Variants in TRIM37 observed in about 807,000 individuals in gnomAD.
The protein encoded by TRIM37 is tripartite motif containing 37, also known as E3 ubiquitin-protein ligase TRIM37.
TRIM37 carries 80 observed loss-of-function variants against 129.8 expected under a neutral mutation model. That is an observed-to-expected ratio of 0.62 (90% CI 0.51 to 0.74). TRIM37 has a LOEUF of 0.74. Ranked by LOEUF, TRIM37 falls within the 30% of genes least tolerant of loss-of-function variation. The probability of loss-of-function intolerance (pLI) is 0.00; values close to 1 mark genes in which losing one functional copy is unlikely to be tolerated. For synonymous variants in TRIM37, 389 were observed against 387.1 expected (o/e 1.00, Z -0.06); for missense variants, 1,054 against 1,176.5 (o/e 0.90, Z 1.52).
chr17:59,087,558 T>C (rs770453929), intron 4 of TRIM37, among the ~76,000 whole-genome samples: 58 of 151,574 alleles, frequency 3.8e-4, no homozygotes, highest in Non-Finnish European at 4.4e-4. Flanking sequence ...GCCTCCCAAG[T>C]ATCTGGGACT....
intron 19 of TRIM37, among the ~76,000 whole-genome samples, chr17:59,019,535 T>A (rs1310720614): frequency 1.1e-4 from 16 of 151,798 alleles, no homozygotes; most frequent in Admixed American, 1.1e-3. Context: ...TGGTGAAACC[T>A]CGTCTCTACT....
downstream of TRIM37, among the ~76,000 whole-genome samples, chr17:58,993,453 T>C (rs1225656957): frequency 6.6e-6 from 1 of 152,234 alleles, no homozygotes; most frequent in African/African-American, 2.4e-5. Flanking sequence ...GGACTACTAC[T>C]GCTCAGCAAT....
rs1555656707 is a variant in TRIM37 at position 59,036,483 on chromosome 17, T to TGCGC, written c.1754-4394_1754-4393insGCGC. Among the ~76,000 whole-genome samples, 199 of 148,988 alleles carry TGCGC rather than the reference T, an allele frequency of 1.3e-3. 3 individuals carry two copies. Among genetic ancestry groups the TGCGC allele is most frequent in the African/African-American group, 4.8e-3 (193 of 40,358 alleles). On this transcript the variant is annotated intron_variant, in intron 17 of 23. Coordinates refer to ENST00000262294, the MANE Select transcript of TRIM37 (RefSeq NM_015294.6). ...GTGTGTGTGTGTGTGTGTGTGTGTG[T>TGCGC]GCACGCGTGTGTTTTAAGAGACAGG...
chr17:59,012,912 C>T (rs1056991706), intron 21 of TRIM37, among the ~76,000 whole-genome samples: 1 of 151,074 alleles, frequency 6.6e-6, no homozygotes, highest in African/African-American at 2.4e-5. Context: ...TAAATATTCA[C>T]AAAAAAATGT....
intron 22 of TRIM37, among the ~76,000 whole-genome samples, chr17:59,009,723 G>A (rs1344895731): frequency 3.9e-5 from 6 of 152,154 alleles, no homozygotes. Context: ...TGGGACTACA[G>A]GCATGAGCCA....
chr17:59,093,072 C>T (rs1021765896), intron 2 of TRIM37, among the ~76,000 whole-genome samples: 1 of 152,136 alleles, frequency 6.6e-6, no homozygotes, highest in Non-Finnish European at 1.5e-5. Flanking sequence ...ACTGCTTGAA[C>T]CCAGGAGGTG....
intron 19 of TRIM37, among the ~76,000 whole-genome samples, chr17:59,025,591 C>T (rs913289557): frequency 1.3e-5 from 2 of 152,130 alleles, no homozygotes; most frequent in African/African-American, 4.8e-5. Context: ...CTAAAATCCT[C>T]GACTGAAGTC....
chr17:59,035,062 T>C (rs2038308322), intron 17 of TRIM37, among the ~76,000 whole-genome samples: 1 of 152,100 alleles, frequency 6.6e-6, no homozygotes. Context: ...TTTTAAATAT[T>C]TTTCTTTTTT....
intron 8 of TRIM37, among the ~76,000 whole-genome samples, chr17:59,072,689 A>G (rs1311380870): frequency 6.6e-6 from 1 of 151,876 alleles, no homozygotes; most frequent in African/African-American, 2.4e-5. Context: ...CGGAGGTTAC[A>G]GTGAGCCAAG....
chr17:59,105,366 C>T (rs941652710), intron 1 of TRIM37, among the ~76,000 whole-genome samples: 7 of 152,004 alleles, frequency 4.6e-5, no homozygotes, highest in African/African-American at 1.4e-4. Context: ...AAAATGTTGA[C>T]GGTAGTTCAA....
At chr17:59,005,434 C>T (rs1183360729) in intron 22 of TRIM37, among the ~76,000 whole-genome samples, 1 of 152,098 alleles carries the variant, frequency 6.6e-6, no homozygotes, top group Non-Finnish European at 1.5e-5. Flanking sequence ...CAGGCATGTG[C>T]CACCACACCC....
chr17:59,064,884 A>G (rs1309284522), intron 9 of TRIM37, among the ~76,000 whole-genome samples: 3 of 149,090 alleles, frequency 2.0e-5, no homozygotes, highest in Non-Finnish European at 4.5e-5. Flanking sequence ...ACACATCTCT[A>G]TTAAAAATAC....
At chr17:59,042,068 T>G (rs2039223283) in intron 16 of TRIM37, among the ~76,000 whole-genome samples, 170 bp from the exon 17 acceptor site, 1 of 152,200 alleles carries the variant, frequency 6.6e-6, no homozygotes, top group Non-Finnish European at 1.5e-5. Flanking sequence ...GTTAATGTTA[T>G]TGTTTAAACA....
chr17:58,981,594 G>A (rs1218296810), downstream of TRIM37: 5 of 152,604 alleles, frequency 3.3e-5, no homozygotes, highest in Admixed American at 3.3e-4. Flanking sequence ...GTAAATCAGT[G>A]TAAAAGTGTC....
chr17:59,062,068 CTTCAA>C (rs1419088123), intron 11 of TRIM37, among the ~76,000 whole-genome samples: 1 of 151,572 alleles, frequency 6.6e-6, no homozygotes, highest in East Asian at 1.9e-4. Context: ...TATTGAAAGA[CTTCAA>C]TGTGTAACTG....
chr17:59,009,443 C>CTTTTT (rs61545184), intron 22 of TRIM37, among the ~76,000 whole-genome samples: 37 of 107,554 alleles, frequency 3.4e-4, no homozygotes, highest in African/African-American at 6.1e-4. Context: ...AATTTCTTTT[C>CTTTTT]TTTTTTTTTT....
chr17:58,972,966 C>G, the TRIM37 span: 1 of 1,396,980 alleles, frequency 7.2e-7, no homozygotes, highest in South Asian at 1.2e-5. Flanking sequence ...CTGTCCTCTT[C>G]TAGCTCATTC....
chr17:58,967,531 G>C, the TRIM37 span, among the ~76,000 whole-genome samples: 1 of 151,416 alleles, frequency 6.6e-6, no homozygotes. Context: ...GAGAGAGAGA[G>C]AGAGAGAGAG....
downstream of TRIM37, among the ~76,000 whole-genome samples, chr17:58,979,322 T>C (rs1309337117): frequency 6.6e-6 from 1 of 152,030 alleles, no homozygotes; most frequent in Non-Finnish European, 1.5e-5. Context: ...GAAAGCCAAG[T>C]GGGTTGGGAA....
Sources: allele counts gnomAD v4.1 joint callset (sites outside exome capture counted in the v4.1 genomes callset), GRCh38; gene constraint gnomAD v4.1.1; transcripts MANE v1.5; gene names NCBI Gene and HGNC (gene_info 2026-07-23, HGNC 2026-07-21).